PACRG: variants seen among roughly 807,000 people sequenced by gnomAD.
PACRG encodes parkin coregulated gene protein.
A neutral mutation model predicts 29.7 loss-of-function variants in PACRG; 29 were observed. That is an observed-to-expected ratio of 0.98 (90% confidence interval 0.73 to 1.33). The LOEUF is 1.33. PACRG is among the 40% of genes most tolerant of loss of function. The pLI, the probability that PACRG is intolerant of heterozygous loss-of-function variation, is 0.00. For missense variants in PACRG, 279 were observed against 316.2 expected (o/e 0.88, Z 0.89); for synonymous variants, 116 against 118.7 (o/e 0.98, Z 0.15).
intron 4 of PACRG, among the ~76,000 whole-genome samples, chr6:163,114,947 C>G (rs1815904879): frequency 6.6e-6 from 1 of 151,280 alleles, no homozygotes; most frequent in Admixed American, 6.6e-5. Context: ...ATTCATATAT[C>G]AAAACATCAT....
chr6:162,917,774 C>G (rs1796796321), intron 2 of PACRG, among the ~76,000 whole-genome samples: 1 of 152,118 alleles, frequency 6.6e-6, no homozygotes, highest in Non-Finnish European at 1.5e-5. Flanking sequence ...TCTGTTTGGC[C>G]TAACCTCTCT....
At chr6:163,165,069 T>G (rs1032850236) in intron 4 of PACRG, among the ~76,000 whole-genome samples, 6 of 152,080 alleles carry the variant, frequency 3.9e-5, no homozygotes, top group African/African-American at 1.2e-4. Flanking sequence ...AAAAAAATAC[T>G]AACACCAGGT....
At chr6:162,956,141 G>A (rs148276876) in intron 2 of PACRG, among the ~76,000 whole-genome samples, 4 of 152,158 alleles carry the variant, frequency 2.6e-5, no homozygotes, top group Admixed American at 6.5e-5. Flanking sequence ...AGTGCAAGGC[G>A]GTGCCAGTTA....
At chr6:163,247,019 T>C (rs531612882) in intron 4 of PACRG, among the ~76,000 whole-genome samples, 105 of 152,310 alleles carry the variant, frequency 6.9e-4, no homozygotes, top group Non-Finnish European at 1.3e-3. Flanking sequence ...GGCTGTTTCT[T>C]TGATCATGGC....
intron 4 of PACRG, among the ~76,000 whole-genome samples, chr6:163,255,323 A>G (rs1783063694): frequency 6.6e-6 from 1 of 152,200 alleles, no homozygotes; most frequent in Non-Finnish European, 1.5e-5. Flanking sequence ...GTCAAAGGGT[A>G]CTGCAAGGAT....
intron 2 of PACRG, among the ~76,000 whole-genome samples, chr6:162,850,056 C>T (rs1276092593): frequency 6.6e-6 from 1 of 152,294 alleles, no homozygotes; most frequent in South Asian, 2.1e-4. Flanking sequence ...AGCATGAAAA[C>T]TTATATTTAG....
intron 2 of PACRG, among the ~76,000 whole-genome samples, chr6:162,827,193 A>C (rs529263312): frequency 9.9e-4 from 151 of 152,316 alleles, no homozygotes; most frequent in African/African-American, 3.6e-3. Context: ...TAAAACCACA[A>C]GTCAAAAAAT....
chr6:162,782,537 A>G (rs1384560415), intron 1 of PACRG, among the ~76,000 whole-genome samples: 2 of 151,880 alleles, frequency 1.3e-5, no homozygotes, highest in Non-Finnish European at 3.0e-5. Context: ...TTTTCTTTTT[A>G]AAACATAGCA....
chr6:162,819,127 G>A (rs2128371734), intron 2 of PACRG, among the ~76,000 whole-genome samples: 1 of 152,198 alleles, frequency 6.6e-6, no homozygotes, highest in African/African-American at 2.4e-5. Context: ...ATATTCCATA[G>A]CCACCTATAT....
intron 4 of PACRG, among the ~76,000 whole-genome samples, chr6:163,223,343 G>A (rs545030587): frequency 8.4e-4 from 128 of 152,274 alleles, no homozygotes; most frequent in African/African-American, 3.0e-3. Context: ...GCAGTAAGCC[G>A]AGATTGCGCC....
intron 2 of PACRG, among the ~76,000 whole-genome samples, chr6:163,025,836 C>A (rs1465102920): frequency 6.6e-6 from 1 of 152,180 alleles, no homozygotes; most frequent in East Asian, 1.9e-4. Context: ...CAGAGGTGCA[C>A]AAGTTAAGAG....
chr6:162,870,185 A>C (rs1455212230), intron 2 of PACRG, among the ~76,000 whole-genome samples: 1 of 152,192 alleles, frequency 6.6e-6, no homozygotes, highest in East Asian at 1.9e-4. Flanking sequence ...ACATTTTCAC[A>C]GATGTATTTT....
chr6:162,858,326 T>C (rs921806780), intron 2 of PACRG, among the ~76,000 whole-genome samples: 2 of 151,942 alleles, frequency 1.3e-5, no homozygotes, highest in East Asian at 1.9e-4. Flanking sequence ...TTTTAAACCA[T>C]CAGATCTCAT....
chr6:162,751,573 A>G (rs1209021091), intron 1 of PACRG, among the ~76,000 whole-genome samples: 1 of 152,098 alleles, frequency 6.6e-6, no homozygotes, highest in Non-Finnish European at 1.5e-5. Flanking sequence ...TCTTATTCTC[A>G]AACTTAATTG....
intron 2 of PACRG, among the ~76,000 whole-genome samples, chr6:162,963,786 C>T (rs1359286300): frequency 6.6e-6 from 1 of 151,812 alleles, no homozygotes; most frequent in Non-Finnish European, 1.5e-5. Context: ...TGTTCAGTAT[C>T]AACAGAACTC....
chr6:162,762,051 C>T (rs1404393265), intron 1 of PACRG, among the ~76,000 whole-genome samples: 2 of 150,368 alleles, frequency 1.3e-5, no homozygotes, highest in African/African-American at 4.9e-5. Flanking sequence ...ATGCCAAGTT[C>T]CACGTGGGCA....
intron 3 of PACRG, among the ~76,000 whole-genome samples, chr6:163,081,074 A>C (rs2128291413): frequency 6.6e-6 from 1 of 152,288 alleles, no homozygotes; most frequent in East Asian, 1.9e-4. Context: ...GGAAGGAGAA[A>C]AATTTCTACA....
intron 4 of PACRG, among the ~76,000 whole-genome samples, chr6:163,250,642 A>G (rs577420921): frequency 6.6e-6 from 1 of 152,280 alleles, no homozygotes; most frequent in South Asian, 2.1e-4. Flanking sequence ...CTACCATTTG[A>G]TCCAGCAATC....
chr6:163,292,043 A>G (rs887122055), intron 4 of PACRG, among the ~76,000 whole-genome samples: 1 of 152,126 alleles, frequency 6.6e-6, no homozygotes, highest in Non-Finnish European at 1.5e-5. Flanking sequence ...GAGCTAACGA[A>G]GGTTTAAGTA....
Sources: allele counts gnomAD v4.1 joint callset (sites outside exome capture counted in the v4.1 genomes callset), GRCh38; gene constraint gnomAD v4.1.1; transcripts MANE v1.5; gene names NCBI Gene and HGNC (gene_info 2026-07-23, HGNC 2026-07-21).